Variants in PLCXD3 observed in about 807,000 individuals in gnomAD.
PLCXD3 encodes PI-PLC X domain-containing protein 3.
A neutral mutation model predicts 25.5 loss-of-function variants in PLCXD3; 19 were observed. The observed-to-expected ratio is 0.75, with a 90% CI of 0.52 to 1.09. The LOEUF (loss-of-function observed/expected upper bound fraction) is 1.09. PLCXD3 is among the 50% of genes least tolerant of loss of function. The probability of loss-of-function intolerance (pLI) is 0.00; values close to 1 mark genes in which losing one functional copy is unlikely to be tolerated. For missense variants in PLCXD3, 411 were observed against 388.1 expected, an observed-to-expected ratio of 1.06 and a Z score of -0.50; for synonymous variants, 174 against 137.6, an observed-to-expected ratio of 1.26 and a Z score of -1.85.
Position 41,404,662 on chromosome 5 carries a change from G to A in PLCXD3, c.104-22128C>T, listed in dbSNP as rs73077963. 6.5e-3 allele frequency among the ~76,000 whole-genome samples: 993 copies of A among 152,172 alleles called. 12 individuals carry two copies. Among genetic ancestry groups the A allele is most frequent in the African/African-American group, 0.023 (948 of 41,522 alleles). Reference sequence around the variant, plus strand: ...TAATAAAACTTGTATATGATATATAGTAAGTATGAATCTTTCTCCATTTAA... The same window carrying A: ...TAATAAAACTTGTATATGATATATAATAAGTATGAATCTTTCTCCATTTAA... On this transcript the variant is annotated intron_variant, in intron 1 of 2. Coordinates refer to ENST00000377801, the MANE Select transcript of PLCXD3 (RefSeq NM_001005473.3).
chr5:41,366,289 C>G (rs1744936233), intron 2 of PLCXD3, among the ~76,000 whole-genome samples: 2 of 152,100 alleles, frequency 1.3e-5, no homozygotes, highest in Non-Finnish European at 2.9e-5. Flanking sequence ...ACTTTTGAAA[C>G]TACAATGCCA....
At chr5:41,458,486 A>G (rs1283713616) in intron 1 of PLCXD3, among the ~76,000 whole-genome samples, 2 of 151,962 alleles carry the variant, frequency 1.3e-5, no homozygotes, top group Non-Finnish European at 2.9e-5. Context: ...AATGACAAGG[A>G]AAGTTGGGGC....
chr5:41,413,728 G>A (rs1746620838), intron 1 of PLCXD3, among the ~76,000 whole-genome samples: 4 of 152,040 alleles, frequency 2.6e-5, no homozygotes, highest in Admixed American at 2.6e-4. Context: ...GGTGAAAGAA[G>A]GGCTTTTAAT....
intron 1 of PLCXD3, among the ~76,000 whole-genome samples, chr5:41,395,678 C>G (rs1397129806): frequency 6.6e-6 from 1 of 152,032 alleles, no homozygotes. Flanking sequence ...CTATGAGCAA[C>G]TATATGCCAA....
intron 1 of PLCXD3, among the ~76,000 whole-genome samples, chr5:41,489,982 G>A (rs1196466766): frequency 6.6e-6 from 1 of 151,990 alleles, no homozygotes; most frequent in Admixed American, 6.6e-5. Flanking sequence ...TTGAATAGGA[G>A]CGGTGAGAGA....
At chr5:41,468,342 T>C (rs560190137) in intron 1 of PLCXD3, among the ~76,000 whole-genome samples, 5 of 152,252 alleles carry the variant, frequency 3.3e-5, no homozygotes, top group African/African-American at 9.6e-5. Context: ...TTGCTTAAGA[T>C]TGGTTTGGCT....
At chr5:41,324,311 A>G (rs746708405) in intron 2 of PLCXD3, among the ~76,000 whole-genome samples, 1 of 152,328 alleles carries the variant, frequency 6.6e-6, no homozygotes, top group South Asian at 2.1e-4. Context: ...CTCAGAAAGT[A>G]TATCCAGTCT....
intron 1 of PLCXD3, among the ~76,000 whole-genome samples, chr5:41,442,114 A>G (rs1347751273): frequency 2.0e-5 from 3 of 152,234 alleles, no homozygotes; most frequent in Non-Finnish European, 4.4e-5. Context: ...TTATGTTGCA[A>G]TTTAAATCAT....
intron 1 of PLCXD3, among the ~76,000 whole-genome samples, chr5:41,486,523 T>C (rs1198096562): frequency 6.6e-6 from 1 of 152,034 alleles, no homozygotes; most frequent in African/African-American, 2.4e-5. Flanking sequence ...TTACTCTCCA[T>C]CTTCACAGTC....
intron 2 of PLCXD3, among the ~76,000 whole-genome samples, chr5:41,360,602 C>G (rs1363298821): frequency 6.6e-6 from 1 of 152,166 alleles, no homozygotes; most frequent in African/African-American, 2.4e-5. Context: ...TTCCTGAGAG[C>G]CAAAATGCAG....
intron 2 of PLCXD3, among the ~76,000 whole-genome samples, chr5:41,332,929 C>T (rs570330989): frequency 1.3e-5 from 2 of 152,140 alleles, no homozygotes; most frequent in Admixed American, 6.6e-5. Flanking sequence ...GAACATCACA[C>T]TCTGGGGACT....
chr5:41,314,426 C>T (rs563865540), intron 2 of PLCXD3, among the ~76,000 whole-genome samples: 89 of 152,242 alleles, frequency 5.8e-4, no homozygotes, highest in African/African-American at 2.1e-3. Flanking sequence ...TAAGGAGAAA[C>T]AGACAATAAA....
chr5:41,490,116 C>A (rs1448937722), intron 1 of PLCXD3, among the ~76,000 whole-genome samples: 6 of 152,100 alleles, frequency 3.9e-5, no homozygotes, highest in Admixed American at 3.3e-4. Context: ...CCCATCAATA[C>A]CTAATTTATT....
intron 2 of PLCXD3, among the ~76,000 whole-genome samples, chr5:41,321,404 A>T (rs1007903150): frequency 6.6e-5 from 10 of 152,078 alleles, no homozygotes; most frequent in Non-Finnish European, 1.3e-4. Context: ...CTCTATAATG[A>T]AATCTATAAA....
intron 1 of PLCXD3, among the ~76,000 whole-genome samples, chr5:41,403,260 A>G (rs71625649): frequency 6.7e-6 from 1 of 149,792 alleles, no homozygotes. Flanking sequence ...AACTAAAAAC[A>G]AGATTAGAAA....
At chr5:41,365,822 A>G (rs763890159) in intron 2 of PLCXD3, among the ~76,000 whole-genome samples, 4 of 152,070 alleles carry the variant, frequency 2.6e-5, no homozygotes, top group Non-Finnish European at 5.9e-5. Flanking sequence ...CCTAAGTTAC[A>G]TCTACTCACT....
chr5:41,441,225 G>C (rs1305087092), intron 1 of PLCXD3, among the ~76,000 whole-genome samples: 6 of 152,114 alleles, frequency 3.9e-5, no homozygotes, highest in African/African-American at 1.4e-4. Context: ...TAATGAAAAG[G>C]AAGTGGATAC....
chr5:41,464,510 A>G (rs1385781314), intron 1 of PLCXD3, among the ~76,000 whole-genome samples: 1 of 152,080 alleles, frequency 6.6e-6, no homozygotes, highest in Non-Finnish European at 1.5e-5. Flanking sequence ...GTGGCAAACC[A>G]CCATGGCACA....
intron 1 of PLCXD3, among the ~76,000 whole-genome samples, chr5:41,422,302 G>A (rs1423130895): frequency 6.6e-6 from 1 of 152,098 alleles, no homozygotes; most frequent in Non-Finnish European, 1.5e-5. Flanking sequence ...AAATCTCCTT[G>A]AGGAGCATAA....
Sources: allele counts gnomAD v4.1 joint callset (sites outside exome capture counted in the v4.1 genomes callset), GRCh38; gene constraint gnomAD v4.1.1; transcripts MANE v1.5; gene names NCBI Gene and HGNC (gene_info 2026-07-23, HGNC 2026-07-21).